The following PHF14 variants were observed in gnomAD, a reference collection of about 807,000 sequenced individuals.
PHF14 encodes PHD finger protein 14.
PHF14 carries 55 observed loss-of-function variants against 117.9 expected under a neutral mutation model. The observed-to-expected ratio is 0.47, with a 90% CI of 0.38 to 0.58. PHF14 has a LOEUF of 0.58. Ranked by LOEUF, PHF14 falls within the 20% of genes least tolerant of loss-of-function variation. The pLI is 0.00. For missense variants in PHF14, 978 were observed against 1,122.2 expected, an observed-to-expected ratio of 0.87 and a Z score of 1.84; for synonymous variants, 409 against 368.6, an observed-to-expected ratio of 1.11 and a Z score of -1.26.
intron 5 of PHF14, among the ~76,000 whole-genome samples, chr7:11,015,944 A>G (rs976125673): frequency 2.0e-5 from 3 of 151,238 alleles, no homozygotes; most frequent in Admixed American, 2.0e-4. Context: ...AAGAGAATTT[A>G]TTTTACTGTT....
intron 16 of PHF14, among the ~76,000 whole-genome samples, chr7:11,098,610 A>C (rs1786966950): frequency 6.6e-6 from 1 of 152,092 alleles, no homozygotes; most frequent in African/African-American, 2.4e-5. Context: ...CATTGTCCTC[A>C]CTAATATCCA....
chr7:11,026,109 CAAAA>C (rs142566001), intron 6 of PHF14, among the ~76,000 whole-genome samples: 2 of 55,694 alleles, frequency 3.6e-5, no homozygotes, highest in African/African-American at 3.9e-5. Context: ...GAGACTCCAT[CAAAA>C]AAAAAAAAAA....
intron 13 of PHF14, among the ~76,000 whole-genome samples, chr7:11,049,712 T>G (rs1784789454): frequency 6.6e-6 from 1 of 152,208 alleles, no homozygotes; most frequent in Non-Finnish European, 1.5e-5. Flanking sequence ...ACAGTTCTGC[T>G]AATAAAGTCA....
At chr7:11,144,910 C>T (rs1245184177) in intron 17 of PHF14, among the ~76,000 whole-genome samples, 1 of 151,728 alleles carries the variant, frequency 6.6e-6, no homozygotes, top group Non-Finnish European at 1.5e-5. Context: ...ATCATAGAGA[C>T]AGGGAGTAGA....
chr7:11,154,245 T>G (rs1194416125), intron 17 of PHF14, among the ~76,000 whole-genome samples: 2 of 152,214 alleles, frequency 1.3e-5, no homozygotes, highest in Admixed American at 1.3e-4. Context: ...ACAGAGTTCC[T>G]CAATTTAAAA....
At chr7:11,030,627 A>G (rs546932853) in intron 7 of PHF14, among the ~76,000 whole-genome samples, 9 of 152,252 alleles carry the variant, frequency 5.9e-5, no homozygotes, top group African/African-American at 2.2e-4. Context: ...TATCTTACCT[A>G]TAAGCTAATT....
intron 14 of PHF14, among the ~76,000 whole-genome samples, chr7:11,053,249 C>T (rs1784901682): frequency 6.6e-6 from 1 of 152,028 alleles, no homozygotes; most frequent in Non-Finnish European, 1.5e-5. Context: ...TCAGGAGATT[C>T]AGCTTGATTT....
At chr7:11,034,282 G>A (rs1360787652) in intron 7 of PHF14, among the ~76,000 whole-genome samples, 1 of 151,852 alleles carries the variant, frequency 6.6e-6, no homozygotes, top group East Asian at 1.9e-4. Flanking sequence ...TATGTTTACT[G>A]TTCCTTTTTG....
chr7:11,037,172 A>T lies in PHF14; in HGVS notation c.1980+81A>T, dbSNP rs561400427. 204 of 1,290,684 alleles carry T rather than the reference A, an allele frequency of 1.6e-4. No homozygotes were observed. In the East Asian group the frequency reaches 1.7e-3, roughly 11 times the overall value. The allele number at this position is 1,290,684 out of a possible 1,614,324, so 80.0% of individuals were successfully genotyped here. ...TTTGTGAATGTATGGCATTTCTTTT[A>T]TGTTTTGTTTTTAATTTCTTCTGGA... On this transcript the variant is annotated intron_variant, in intron 10 of 17. Coordinates refer to ENST00000634607, the MANE Select transcript of PHF14 (RefSeq NM_001007157.2).
intron 4 of PHF14, among the ~76,000 whole-genome samples, chr7:11,012,027 A>G (rs1400060339): frequency 6.6e-6 from 1 of 152,166 alleles, no homozygotes; most frequent in African/African-American, 2.4e-5. Context: ...GTTATTTATG[A>G]TTATGGATGT....
intron 16 of PHF14, among the ~76,000 whole-genome samples, chr7:11,075,726 G>C (rs1785822577): frequency 6.6e-6 from 1 of 151,872 alleles, no homozygotes; most frequent in Non-Finnish European, 1.5e-5. Context: ...ATATGTATCA[G>C]GTATCTTATA....
At chr7:11,136,558 T>C (rs1360789370) in intron 17 of PHF14, among the ~76,000 whole-genome samples, 2 of 152,202 alleles carry the variant, frequency 1.3e-5, no homozygotes, top group Non-Finnish European at 2.9e-5. Flanking sequence ...TTACTTTTTA[T>C]CTTAAAAAAG....
chr7:11,069,860 A>T (rs13224675), intron 16 of PHF14, among the ~76,000 whole-genome samples: 49,946 of 149,730 alleles, frequency 0.33, 8,764 homozygotes, highest in East Asian at 0.74. Context: ...TTATTTATTT[A>T]TTTTTTTCTG....
chr7:10,999,452 A>T (rs1357393581), intron 4 of PHF14, among the ~76,000 whole-genome samples: 1 of 152,116 alleles, frequency 6.6e-6, no homozygotes, highest in African/African-American at 2.4e-5. Flanking sequence ...TATAGCTTTT[A>T]CTTTAGGACA....
Position 10,974,141 on chromosome 7 carries a change from G to A in PHF14, c.-183G>A, listed in dbSNP as rs926417683. On this transcript the variant is annotated 5_prime_UTR_variant, in exon 1 of 18. Transcript: ENST00000634607. ...GGCCAGGGCCAGGCGAGGCCGGGGGGGCGGGGGGTTAGGGGACCGCGGGGC... is the reference window on the plus strand; with the variant it reads ...GGCCAGGGCCAGGCGAGGCCGGGGGAGCGGGGGGTTAGGGGACCGCGGGGC... 4 of 603,270 alleles carry A rather than the reference G, an allele frequency of 6.6e-6. No individual in the cohort carries two copies. Among genetic ancestry groups the A allele is most frequent in the Non-Finnish European group, 1.2e-5 (4 of 335,276 alleles). 37.4% of individuals were successfully genotyped at this position (603,270 alleles called of 1,614,324 possible). A position where few individuals can be genotyped will look rare whatever the true frequency, so the allele number is the denominator to read the frequency against.
At chr7:10,997,686 C>T (rs1264972693) in intron 4 of PHF14, among the ~76,000 whole-genome samples, 1 of 152,146 alleles carries the variant, frequency 6.6e-6, no homozygotes, top group African/African-American at 2.4e-5. Flanking sequence ...TGTTGGTAGG[C>T]TTCAGTTCTT....
chr7:11,034,539 A>ATTTTTTTTTTT (rs56043099), intron 7 of PHF14, among the ~76,000 whole-genome samples: 3 of 63,096 alleles, frequency 4.8e-5, no homozygotes, highest in Admixed American at 5.3e-4. Context: ...TCTTAATTCT[A>ATTTTTTTTTTT]TTTTTTTTTT....
chr7:11,095,689 G>GA (rs1017828543), intron 16 of PHF14, among the ~76,000 whole-genome samples: 1 of 151,942 alleles, frequency 6.6e-6, no homozygotes, highest in Admixed American at 6.6e-5. Context: ...TGGGAGAAGT[G>GA]AAAAAAAGTC....
At chr7:11,005,734 C>A (rs891979511) in intron 4 of PHF14, among the ~76,000 whole-genome samples, 2 of 149,818 alleles carry the variant, frequency 1.3e-5, no homozygotes, top group African/African-American at 4.9e-5. Flanking sequence ...AAACATGTGC[C>A]ATGTATATAT....
Sources: allele counts gnomAD v4.1 joint callset (sites outside exome capture counted in the v4.1 genomes callset), GRCh38; gene constraint gnomAD v4.1.1; transcripts MANE v1.5; gene names NCBI Gene and HGNC (gene_info 2026-07-23, HGNC 2026-07-21).